The following ZNF235 variants were observed in gnomAD, a reference collection of about 807,000 sequenced individuals.
ZNF235 encodes zfp-93.
In ZNF235, 25 loss-of-function variants were observed where a neutral mutation model predicts 29.4. That is an observed-to-expected ratio of 0.85 (90% CI 0.62 to 1.19). ZNF235 has a LOEUF of 1.19. Ranked by LOEUF, ZNF235 falls within the 50% of genes most tolerant of loss-of-function variation. The pLI, the probability that ZNF235 is intolerant of heterozygous loss-of-function variation, is 0.00. For missense variants in ZNF235, 788 were observed against 885.0 expected (o/e 0.89, Z 1.39); for synonymous variants, 300 against 295.3 (o/e 1.02, Z -0.16).
At chr19:44,292,851 T>C (rs1975603323) in intron 4 of ZNF235, among the ~76,000 whole-genome samples, 1 of 152,060 alleles carries the variant, frequency 6.6e-6, no homozygotes, top group South Asian at 2.1e-4. Context: ...GAAAAGTGTT[T>C]AGTCACCTAT....
Position 44,288,983 on chromosome 19 carries a change from G to A in ZNF235, c.452C>T (p.Ala151Val). Reference protein sequence around the residue: ...CQVGAGESIQASVDDNCLVNH... With the variant: ...CQVGAGESIQVSVDDNCLVNH... ...CACTAGACAGTTGTCATCCACAGAA[G>A]CTTGAATAGATTCTCCTGCTCCCAC... is the stretch of plus-strand genomic sequence containing the variant. The change falls in exon 5 of 5, where the codon GCT becomes GTT. Residue 151 changes from alanine (A) to valine (V), a missense_variant. Physicochemically the swap from Ala to Val is moderately conservative, Grantham distance 64. Transcript: ENST00000291182. The A allele has an allele frequency of 1.2e-6, 2 of 1,613,992 alleles. No homozygotes were observed. The highest frequency in any genetic ancestry group is 1.7e-6 in the Non-Finnish European group (2 of 1,179,894).
rs143676501 is a variant in ZNF235 at position 44,300,839 on chromosome 19, C to CAA, written c.16-1109_16-1108dup. On this transcript the variant is annotated intron_variant, in intron 2 of 4. Transcript: ENST00000291182. ...TGAATGACAGAGCGAGACTCCGTCT[C>CAA]AAAAAAAAAAAAAAAAAAAAGGTAA... Among the ~76,000 whole-genome samples, 232 of 95,852 alleles carry CAA rather than the reference C, an allele frequency of 2.4e-3. 2 individuals are homozygous for CAA. The highest frequency in any genetic ancestry group is 5.2e-3 in the Middle Eastern group (1 of 192). The allele number at this position is 95,852 out of a possible 152,430, so 62.9% of individuals were successfully genotyped here.
chr19:44,298,667 A>AT, intron 4 of ZNF235, 141 bp downstream of exon 4: 2 of 622,472 alleles, frequency 3.2e-6, no homozygotes, highest in Non-Finnish European at 5.5e-6. Flanking sequence ...AAGTGCTGGG[A>AT]TTAGAGGCTT....
rs757341370 is a variant in ZNF235 at position 44,289,132 on chromosome 19, T to A, written c.303A>T (p.Gly101=). The A allele has an allele frequency of 2.5e-6, 4 of 1,614,108 alleles. No individual in the cohort carries two copies. In the East Asian group the frequency reaches 8.9e-5, roughly 36 times the overall value. Residue 101 remains glycine (G), a synonymous_variant, in exon 5 of 5, where the codon GGA becomes GGT. Transcript: ENST00000291182. The part of the protein sequence containing the change: ...HKAGLRCFSL[G]ELSCWQIKRH... ...TCTTGATTTGCCAGCATGAAAGCTCTCCCAGTGAAAAGCACCTTAATCCTG... is the reference window on the plus strand; with the variant it reads ...TCTTGATTTGCCAGCATGAAAGCTCACCCAGTGAAAAGCACCTTAATCCTG...
Position 44,299,684 on chromosome 19 carries a change from G to T in ZNF235, c.64C>A (p.Leu22Met). 6.2e-7 allele frequency: 1 copy of T among 1,614,132 alleles called. No homozygotes were observed. The highest frequency in any genetic ancestry group is 8.5e-7 in the Non-Finnish European group (1 of 1,180,012). The change falls in exon 3 of 5, where the codon CTG (leucine) becomes ATG (methionine). Residue 22 changes from leucine (L) to methionine (M), a missense_variant. Physicochemically the swap from Leu to Met is conservative, Grantham distance 15 (BLOSUM62 2). Transcript: ENST00000291182. ...DVAVAFTEEE[L>M]GLLDSAQRKL... Reference sequence around the variant, plus strand: ...CTCTGGGCAGAGTCCAGCAGCCCCAGCTCCTCCTCAGTGAAGGCCACAGCC... The same window carrying T: ...CTCTGGGCAGAGTCCAGCAGCCCCATCTCCTCCTCAGTGAAGGCCACAGCC...
At chr19:44,303,157 C>T (rs993745425) in intron 2 of ZNF235, among the ~76,000 whole-genome samples, 4 of 138,122 alleles carry the variant, frequency 2.9e-5, no homozygotes, top group Admixed American at 7.3e-5. Flanking sequence ...AAAATATATA[C>T]GTATATATAA....
At chr19:44,300,772 G>A (rs1386585072) in intron 2 of ZNF235, among the ~76,000 whole-genome samples, 3 of 151,060 alleles carry the variant, frequency 2.0e-5, no homozygotes, top group African/African-American at 4.9e-5. Flanking sequence ...CCCGGCAGGC[G>A]GAGGTTGCAG....
intron 3 of ZNF235, among the ~76,000 whole-genome samples, chr19:44,299,116 T>C (rs1467284370): frequency 2.0e-5 from 3 of 152,224 alleles, no homozygotes; most frequent in Admixed American, 2.0e-4. Flanking sequence ...TTAAAGGACC[T>C]ATTTCTAATC....
chr19:44,291,145 T>C (rs1049500528), intron 4 of ZNF235, among the ~76,000 whole-genome samples: 1 of 152,182 alleles, frequency 6.6e-6, no homozygotes, highest in South Asian at 2.1e-4. Context: ...AGACAGACCA[T>C]ATTCTAGGCC....
At chr19:44,301,758 T>C (rs1003904929) in intron 2 of ZNF235, among the ~76,000 whole-genome samples, 1 of 152,144 alleles carries the variant, frequency 6.6e-6, no homozygotes, top group Non-Finnish European at 1.5e-5. Context: ...CCACTGTGCC[T>C]GGCCTTCACC....
At position 44,299,951 on chromosome 19, in the gene ZNF235, T is replaced by G. The variant is rs543012219; in HGVS notation, c.16-219A>C. On this transcript the variant is annotated intron_variant, in intron 2 of 4. Transcript: ENST00000291182. ...ATCATGGCATACACACATTTTACCA[T>G]TTGACTGATAGCACCAAATTTGATA... 6.6e-5 allele frequency among the ~76,000 whole-genome samples: 10 copies of G among 152,354 alleles called. No individual in the cohort carries two copies. In the East Asian group the frequency reaches 1.7e-3, roughly 26 times the overall value.
chr19:44,295,184 A>G (rs1975637961), intron 4 of ZNF235, among the ~76,000 whole-genome samples: 1 of 152,140 alleles, frequency 6.6e-6, no homozygotes, highest in Non-Finnish European at 1.5e-5. Flanking sequence ...TATACCTACA[A>G]ATCCCTAAAG....
At chr19:44,304,419 G>C (rs767782897) in intron 1 of ZNF235, among the ~76,000 whole-genome samples, 6 of 152,176 alleles carry the variant, frequency 3.9e-5, no homozygotes, top group Non-Finnish European at 8.8e-5. Flanking sequence ...CAAGAGGCTA[G>C]AAAAGTCCAA....
chr19:44,302,427 A>G (rs1975751139), intron 2 of ZNF235, among the ~76,000 whole-genome samples: 1 of 152,206 alleles, frequency 6.6e-6, no homozygotes, highest in East Asian at 1.9e-4. Flanking sequence ...GTATGATTAT[A>G]TATGTTGAGT....
At chr19:44,298,304 A>G (rs1254882914) in intron 4 of ZNF235, among the ~76,000 whole-genome samples, 2 of 152,160 alleles carry the variant, frequency 1.3e-5, no homozygotes, top group Admixed American at 1.3e-4. Context: ...ACAGCCTTAC[A>G]AGCTCCTTAA....
At chr19:44,293,325 T>C (rs551464822) in intron 4 of ZNF235, among the ~76,000 whole-genome samples, 91 of 151,642 alleles carry the variant, frequency 6.0e-4, no homozygotes, top group African/African-American at 2.0e-3. Context: ...TCAACAGCAG[T>C]AAAAAAAGAC....
intron 2 of ZNF235, among the ~76,000 whole-genome samples, chr19:44,300,719 A>C (rs1011719244): frequency 1.3e-5 from 2 of 151,994 alleles, no homozygotes; most frequent in African/African-American, 4.8e-5. Flanking sequence ...ACACATCTGT[A>C]ATCCCAGCTA....
rs550952213 is a variant in ZNF235 at position 44,304,552 on chromosome 19, T to C, written c.-49+419A>G. 5 of 264,094 alleles carry C rather than the reference T, an allele frequency of 1.9e-5. No homozygotes were observed. The East Asian group carries it at 8.8e-4, about 47-fold the overall frequency. The allele number at this position is 264,094 out of a possible 1,614,324, so 16.4% of individuals were successfully genotyped here. ...CGTCTTTTTCAGTATTATAACAGAA[T>C]TAACGGTGGCATCCAACATTTTCCT... On this transcript the variant is annotated intron_variant, in intron 1 of 4. Coordinates refer to ENST00000291182, the MANE Select transcript of ZNF235 (RefSeq NM_004234.4).
At position 44,299,214 on chromosome 19, in the gene ZNF235, G is replaced by T. The variant is rs1319516829; in HGVS notation, c.143-311C>A. On this transcript the variant is annotated intron_variant, in intron 3 of 4. Transcript: ENST00000291182. ...ATTCTGGCTAAGGGGCTCTGATATT[G>T]TTACTCTATTTTATTACAAAAATGC... Among the ~76,000 whole-genome samples, 3 of 152,116 alleles carry T rather than the reference G, an allele frequency of 2.0e-5. No homozygotes were observed. In the East Asian group the frequency reaches 5.8e-4, roughly 29 times the overall value.
Sources: gnomAD v4.1 joint callset for allele counts (sites outside exome capture counted in the v4.1 genomes callset) on GRCh38, gnomAD v4.1.1 for gene constraint, MANE v1.5 for transcripts, NCBI Gene and HGNC (gene_info 2026-07-23, HGNC 2026-07-21) for gene names.